Variants in PRDM16 observed in about 807,000 individuals in gnomAD.
PRDM16 encodes histone-lysine N-methyltransferase PRDM16.
In PRDM16, 23 loss-of-function variants were observed where a neutral mutation model predicts 110.6. The ratio of observed to expected loss-of-function variants is 0.21; its 90% CI spans 0.15 to 0.29. The LOEUF (loss-of-function observed/expected upper bound fraction) is 0.29. Ranked by LOEUF, PRDM16 falls within the 10% of genes least tolerant of loss-of-function variation. The pLI is 1.00. For missense variants in PRDM16, 1,615 were observed against 1,794.3 expected (o/e 0.90, Z 1.81); for synonymous variants, 799 against 781.8 (o/e 1.02, Z -0.37).
chr1:3,383,496 T>C (rs1643141058), intron 3 of PRDM16, among the ~76,000 whole-genome samples: 1 of 152,102 alleles, frequency 6.6e-6, no homozygotes, highest in South Asian at 2.1e-4. Context: ...CCTGGAAGCC[T>C]CAGGGGAAGA....
At position 3,411,731 on chromosome 1, in the gene PRDM16, C is replaced by T; in HGVS notation, c.1534C>T (p.Pro512Ser). 1 of 1,611,472 alleles carries T rather than the reference C, an allele frequency of 6.2e-7. No homozygotes were observed. Among genetic ancestry groups the T allele is most frequent in the Non-Finnish European group, 8.5e-7 (1 of 1,178,830 alleles). The change falls in exon 9 of 17, where the codon CCC becomes TCC. Residue 512 changes from proline (P) to serine (S), a missense_variant. By Grantham distance (74) the Pro-to-Ser change is moderately conservative. Around this residue, in one of 5 missense-constraint regions of PRDM16, gnomAD observed 772 missense variants for 748.3 expected, o/e 1.03. Coordinates refer to ENST00000270722, the MANE Select transcript of PRDM16 (RefSeq NM_022114.4). Reference sequence around the variant, plus strand: ...GCCTCCCACGTTCCCCGCACTCACCCCCGGCTTCCCGGGCATCTTCCCTCC... The same window carrying T: ...GCCTCCCACGTTCCCCGCACTCACCTCCGGCTTCCCGGGCATCTTCCCTCC... ...TAPPTFPALT[P>S]GFPGIFPPSL...
At position 3,164,470 on chromosome 1, in the gene PRDM16, C is replaced by A. The variant is rs1489992419; in HGVS notation, c.38-21655C>A. On this transcript the variant is annotated intron_variant, in intron 1 of 16. Transcript: ENST00000270722. ...GGGCACCGAGGGCCATGGCCACGTA[C>A]AGAAAGAGGACGGCTTCCAGTCTTC... Among the ~76,000 whole-genome samples the A allele has an allele frequency of 2.0e-5, 3 of 152,200 alleles. No individual in the cohort carries two copies. In the East Asian group the frequency reaches 5.8e-4, roughly 29 times the overall value.
chr1:3,141,775 G>A (rs1392507244), intron 1 of PRDM16, among the ~76,000 whole-genome samples: 1 of 152,238 alleles, frequency 6.6e-6, no homozygotes, highest in Non-Finnish European at 1.5e-5. Context: ...GAGAAGGTGG[G>A]ACAAATTCAG....
At chr1:3,284,321 G>A (rs572859028) in intron 3 of PRDM16, among the ~76,000 whole-genome samples, 4 of 152,376 alleles carry the variant, frequency 2.6e-5, no homozygotes, top group African/African-American at 9.6e-5. Flanking sequence ...AAACTGAGTG[G>A]TTCCTGGAGT....
Position 3,411,688 on chromosome 1 carries a change from C to T in PRDM16, c.1491C>T (p.Ser497=). 1.2e-6 allele frequency: 2 copies of T among 1,610,626 alleles called. No individual in the cohort carries two copies. The highest frequency in any genetic ancestry group is 2.2e-5 in the East Asian group (1 of 44,786). The change falls in exon 9 of 17, where the codon AGC becomes AGT. Residue 497 remains serine, a synonymous_variant. Transcript: ENST00000270722. ...EYFPSRPHPG[S]LPFSTAPPTF... ...TTCCCTCCAGGCCGCACCCGGGGAG[C>T]CTGCCCTTCTCCACGGCGCCTCCCA...
intron 5 of PRDM16, among the ~76,000 whole-genome samples, chr1:3,399,075 G>A (rs74048427): frequency 0.036 from 5,437 of 152,316 alleles, 289 homozygotes; most frequent in African/African-American, 0.12. Flanking sequence ...AGATGCATTC[G>A]ACTTTGTGTT....
intron 1 of PRDM16, among the ~76,000 whole-genome samples, chr1:3,125,164 G>A (rs1444741652): frequency 2.0e-5 from 3 of 152,252 alleles, no homozygotes; most frequent in African/African-American, 4.8e-5. Flanking sequence ...GACCATGTGC[G>A]CACCCCGCAG....
chr1:3,325,702 C>T (rs895586738), intron 3 of PRDM16, among the ~76,000 whole-genome samples: 2 of 152,192 alleles, frequency 1.3e-5, no homozygotes, highest in African/African-American at 4.8e-5. Context: ...ACTCTGTCCC[C>T]AGCCTCTCCA....
chr1:3,138,386 G>C (rs1260025749), intron 1 of PRDM16, among the ~76,000 whole-genome samples: 7 of 152,240 alleles, frequency 4.6e-5, no homozygotes, highest in Non-Finnish European at 4.4e-5. Context: ...GGAGGCATCT[G>C]GGCTGTCCCT....
chr1:3,141,006 C>G (rs1643540477), intron 1 of PRDM16, among the ~76,000 whole-genome samples: 1 of 152,184 alleles, frequency 6.6e-6, no homozygotes, highest in Non-Finnish European at 1.5e-5. Context: ...GTCCCCATGT[C>G]CCTGGGTTTT....
At chr1:3,131,210 CCTCT>C (rs945840805) in intron 1 of PRDM16, among the ~76,000 whole-genome samples, 3 of 151,680 alleles carry the variant, frequency 2.0e-5, no homozygotes, top group African/African-American at 7.3e-5. Flanking sequence ...AGCAAGACTC[CCTCT>C]CTCTCTCTCA....
intron 3 of PRDM16, among the ~76,000 whole-genome samples, chr1:3,369,236 C>T (rs1055221663): frequency 6.6e-6 from 1 of 152,244 alleles, no homozygotes; most frequent in African/African-American, 2.4e-5. Context: ...AAAACTGACT[C>T]TGCAGCACCT....
chr1:3,183,793 A>T (rs1644236768), intron 1 of PRDM16, among the ~76,000 whole-genome samples: 1 of 152,222 alleles, frequency 6.6e-6, no homozygotes, highest in African/African-American at 2.4e-5. Flanking sequence ...TATGCACTTG[A>T]TGCGGACGCT....
intron 1 of PRDM16, among the ~76,000 whole-genome samples, chr1:3,126,176 G>A (rs1286303626): frequency 6.6e-6 from 1 of 152,192 alleles, no homozygotes; most frequent in Non-Finnish European, 1.5e-5. Context: ...GGGCGCCGCT[G>A]GCCGCTCTTC....
At chr1:3,330,126 A>G (rs548243010) in intron 3 of PRDM16, among the ~76,000 whole-genome samples, 10 of 152,270 alleles carry the variant, frequency 6.6e-5, no homozygotes, top group Admixed American at 3.3e-4. Context: ...CTGGTCACCC[A>G]CTTCACCTTG....
At position 3,148,278 on chromosome 1, in the gene PRDM16, T is replaced by G. The variant is rs1643715123; in HGVS notation, c.38-37847T>G. Reference sequence around the variant, plus strand: ...CCCTGGTGGCCCTGGTGAGAGCAGGTCGGGTGCCAGGACAGAGCAGCCACA... The same window carrying G: ...CCCTGGTGGCCCTGGTGAGAGCAGGGCGGGTGCCAGGACAGAGCAGCCACA... On this transcript the variant is annotated intron_variant, in intron 1 of 16. Transcript: ENST00000270722. The surrounding 1 kb of genome is among the most constrained non-coding windows in gnomAD (Gnocchi z 5.0). 6.6e-6 allele frequency among the ~76,000 whole-genome samples: 1 copy of G among 152,014 alleles called. No individual in the cohort carries two copies. Among genetic ancestry groups the G allele is most frequent in the Non-Finnish European group, 1.5e-5 (1 of 67,992 alleles).
intron 2 of PRDM16, among the ~76,000 whole-genome samples, chr1:3,219,528 C>T (rs1302851530): frequency 6.6e-6 from 1 of 152,164 alleles, no homozygotes; most frequent in African/African-American, 2.4e-5. Context: ...CTCGGTAGGG[C>T]AGTATCATCT....
At position 3,181,490 on chromosome 1, in the gene PRDM16, C is replaced by T. The variant is rs139811604; in HGVS notation, c.38-4635C>T. On this transcript the variant is annotated intron_variant, in intron 1 of 16. Coordinates refer to ENST00000270722, the MANE Select transcript of PRDM16 (RefSeq NM_022114.4). ...CTTACACACGCAGTCTTACACACAG[C>T]CTTACGCATGGTCTTACACACGCAG... 8.7e-4 allele frequency among the ~76,000 whole-genome samples: 19 copies of T among 21,912 alleles called. 3 individuals carry two copies. The highest frequency in any genetic ancestry group is 1.3e-3 in the Admixed American group (2 of 1,550). The allele number at this position is 21,912 out of a possible 152,430, so 14.4% of individuals were successfully genotyped here.
intron 2 of PRDM16, among the ~76,000 whole-genome samples, chr1:3,202,405 C>T (rs536559798): frequency 6.6e-6 from 1 of 152,112 alleles, no homozygotes; most frequent in African/African-American, 2.4e-5. Flanking sequence ...ACTTGGCTGC[C>T]CTGTGGGGCC....
Sources: allele counts gnomAD v4.1 joint callset (sites outside exome capture counted in the v4.1 genomes callset), GRCh38; gene constraint gnomAD v4.1.1; regional missense constraint gnomAD v4.1.1; non-coding constraint Gnocchi (gnomAD v3.1); transcripts MANE v1.5; gene names NCBI Gene and HGNC (gene_info 2026-07-23, HGNC 2026-07-21).